The following MAP4K5 variants were observed in gnomAD, a reference collection of about 807,000 sequenced individuals.
The protein encoded by MAP4K5 is MAPK/ERK kinase kinase kinase 5.
A neutral mutation model predicts 135.6 loss-of-function variants in MAP4K5; 82 were observed. The ratio of observed to expected loss-of-function variants is 0.60; its 90% CI spans 0.51 to 0.73. The LOEUF (loss-of-function observed/expected upper bound fraction) is 0.73, where lower values mean the gene tolerates loss of function less well. Among genes scored for constraint, MAP4K5 ranks in the 30% least tolerant of loss-of-function variants. The pLI, the probability that MAP4K5 is intolerant of heterozygous loss-of-function variation, is 0.00. For synonymous variants in MAP4K5, 347 were observed against 335.0 expected (o/e 1.04, Z -0.39); for missense variants, 907 against 1,010.9 (o/e 0.90, Z 1.39).
intron 2 of MAP4K5, among the ~76,000 whole-genome samples, chr14:50,505,432 T>C (rs747532841): frequency 6.6e-5 from 10 of 152,190 alleles, no homozygotes; most frequent in Non-Finnish European, 1.2e-4. Context: ...ATTTTAATAT[T>C]ATTTTCAAGT....
At chr14:50,445,634 A>G (rs2036330529) in intron 17 of MAP4K5, among the ~76,000 whole-genome samples, 1 of 152,086 alleles carries the variant, frequency 6.6e-6, no homozygotes, top group Non-Finnish European at 1.5e-5. Context: ...CAGTGGCACG[A>G]TCTCAGCTCA....
chr14:50,487,199 T>C (rs1004403824), intron 3 of MAP4K5, among the ~76,000 whole-genome samples: 1 of 152,112 alleles, frequency 6.6e-6, no homozygotes, highest in Non-Finnish European at 1.5e-5. Context: ...TCCCAGCTAC[T>C]CGGGAGGCTA....
In MAP4K5 at chr14:50,542,780, T is replaced by C. The variant is rs74996507; in HGVS notation, c.-179-196A>G. Among the ~76,000 whole-genome samples, 321 of 152,322 alleles carry C rather than the reference T, an allele frequency of 2.1e-3. 2 individuals are homozygous for C. The highest frequency in any genetic ancestry group is 7.3e-3 in the African/African-American group (304 of 41,566). ...CTTGAAGCAGAGAGCCACAGAATTCTGTGCCCACACCATAATGGGGTGGCC... is the reference window on the plus strand; with the variant it reads ...CTTGAAGCAGAGAGCCACAGAATTCCGTGCCCACACCATAATGGGGTGGCC... On this transcript the variant is annotated intron_variant, in intron 1 of 8. Coordinates refer to the MAP4K5 transcript ENST00000555216.
chr14:50,466,942 A>C (rs2036846518), intron 10 of MAP4K5, among the ~76,000 whole-genome samples: 1 of 152,172 alleles, frequency 6.6e-6, no homozygotes, highest in Non-Finnish European at 1.5e-5. Flanking sequence ...TTATATCTTA[A>C]GCACATGTCT....
intron 14 of MAP4K5, among the ~76,000 whole-genome samples, chr14:50,455,913 T>C (rs974884607): frequency 6.6e-6 from 1 of 152,138 alleles, no homozygotes; most frequent in African/African-American, 2.4e-5. Flanking sequence ...ATAGAAAATT[T>C]TCATCTGTCA....
At chr14:50,527,801 A>G (rs1226428426) in intron 2 of MAP4K5, among the ~76,000 whole-genome samples, 5 of 147,840 alleles carry the variant, frequency 3.4e-5, no homozygotes, top group Non-Finnish European at 7.4e-5. Context: ...CTAAATTTAT[A>G]TTCTATGAAA....
chr14:50,456,377 G>A (rs2036594428), intron 14 of MAP4K5, 139 bp downstream of exon 14: 1 of 645,424 alleles, frequency 1.5e-6, no homozygotes, highest in Non-Finnish European at 2.7e-6. Flanking sequence ...AACCAGAAAA[G>A]CAACCCCTAT....
chr14:50,448,337 A>C (rs1418536848), intron 15 of MAP4K5, among the ~76,000 whole-genome samples: 1 of 152,200 alleles, frequency 6.6e-6, no homozygotes, highest in Non-Finnish European at 1.5e-5. Flanking sequence ...TTAGATAAGG[A>C]AAGAGGTAAC....
intron 3 of MAP4K5, among the ~76,000 whole-genome samples, chr14:50,502,200 C>A (rs556388257): frequency 3.3e-5 from 5 of 152,216 alleles, no homozygotes; most frequent in Non-Finnish European, 7.4e-5. Flanking sequence ...ATTTTTCACA[C>A]GTCTGCAATT....
chr14:50,492,755 C>T (rs2037511945), intron 3 of MAP4K5, among the ~76,000 whole-genome samples: 1 of 152,074 alleles, frequency 6.6e-6, no homozygotes, highest in African/African-American at 2.4e-5. Flanking sequence ...CATGCCTATC[C>T]TATATAGGTA....
chr14:50,549,486 C>A (rs748272464), intron 1 of MAP4K5, among the ~76,000 whole-genome samples: 1 of 152,150 alleles, frequency 6.6e-6, no homozygotes, highest in Non-Finnish European at 1.5e-5. Flanking sequence ...TGGTCCTGTG[C>A]CCTGGAATGG....
At chr14:50,479,448 C>G (rs1056725981) in intron 6 of MAP4K5, among the ~76,000 whole-genome samples, 2 of 147,512 alleles carry the variant, frequency 1.4e-5, no homozygotes, top group African/African-American at 5.4e-5. Context: ...AATTAACATC[C>G]TTTGTTAATT....
At chr14:50,483,047 G>C (rs1174052135) in intron 5 of MAP4K5, 1 of 152,056 alleles carries the variant, frequency 6.6e-6, no homozygotes, top group African/African-American at 2.4e-5. Flanking sequence ...ATGCAATCCT[G>C]AACAATTTTT....
intron 3 of MAP4K5, among the ~76,000 whole-genome samples, chr14:50,495,032 T>C (rs549799795): frequency 2.6e-5 from 4 of 152,300 alleles, no homozygotes; most frequent in Admixed American, 2.6e-4. Context: ...TTATTTCTGG[T>C]ATATGATACC....
intron 9 of MAP4K5, among the ~76,000 whole-genome samples, chr14:50,474,609 T>G (rs1595484776): frequency 6.6e-6 from 1 of 151,062 alleles, no homozygotes; most frequent in Non-Finnish European, 1.5e-5. Flanking sequence ...GATGAAGGAG[T>G]TTTAACAACC....
chr14:50,480,386 G>T (rs2037210405), intron 6 of MAP4K5, among the ~76,000 whole-genome samples: 1 of 142,968 alleles, frequency 7.0e-6, no homozygotes, highest in Admixed American at 7.5e-5. Flanking sequence ...TCAAATACTA[G>T]AACTTACTCA....
At chr14:50,554,497 A>T (rs1169039954) in intron 1 of MAP4K5, among the ~76,000 whole-genome samples, 1 of 152,188 alleles carries the variant, frequency 6.6e-6, no homozygotes, top group Non-Finnish European at 1.5e-5. Context: ...AATGGGGTGG[A>T]TTGTAGTGTG....
At chr14:50,426,099 T>TGAC in intron 30 of MAP4K5, 122 bp from the exon 31 acceptor site, 5 of 518,928 alleles carry the variant, frequency 9.6e-6, no homozygotes, top group Non-Finnish European at 1.7e-5. Context: ...TTCCACTGTC[T>TGAC]AGACCACGAT....
chr14:50,475,679 C>T (rs1190136478), intron 8 of MAP4K5, among the ~76,000 whole-genome samples: 1 of 152,116 alleles, frequency 6.6e-6, no homozygotes, highest in African/African-American at 2.4e-5. Flanking sequence ...TGCACTCCAG[C>T]CTGAATGACA....
Sources: allele counts gnomAD v4.1 joint callset (sites outside exome capture counted in the v4.1 genomes callset), GRCh38; gene constraint gnomAD v4.1.1; transcripts MANE v1.5; gene names NCBI Gene and HGNC (gene_info 2026-07-23, HGNC 2026-07-21).